The following MYH10 variants were observed in gnomAD, a reference collection of about 807,000 sequenced individuals.
The protein encoded by MYH10 is myosin-10.
MYH10 carries 55 observed loss-of-function variants against 257.8 expected under a neutral mutation model. The ratio of observed to expected loss-of-function variants is 0.21; its 90% CI spans 0.17 to 0.27. The LOEUF (loss-of-function observed/expected upper bound fraction) is 0.27. MYH10 is among the 10% of genes least tolerant of loss of function. The pLI, the probability that MYH10 is intolerant of heterozygous loss-of-function variation, is 1.00. For synonymous variants in MYH10, 854 were observed against 921.7 expected (o/e 0.93, Z 1.33); for missense variants, 1,631 against 2,500.6 (o/e 0.65, Z 7.42).
intron 19 of MYH10, 73 bp from the exon 20 acceptor site, chr17:8,519,023 G>A (rs2081566496): frequency 1.8e-6 from 2 of 1,141,512 alleles, no homozygotes; most frequent in Non-Finnish European, 2.5e-6. Flanking sequence ...TGTGTGTTTT[G>A]CTCTAAGAGG....
At position 8,509,878 on chromosome 17, in the gene MYH10, C is replaced by T; in HGVS notation, c.3024G>A (p.Glu1008=). The T allele has an allele frequency of 6.2e-7, 1 of 1,613,578 alleles. No homozygotes were observed. The highest frequency in any genetic ancestry group is 2.2e-5 in the East Asian group (1 of 44,830). The change falls in exon 25 of 43, where the codon GAG becomes GAA. Residue 1008 remains glutamate, a synonymous_variant. Transcript: ENST00000360416. ...CCTCTTCCATCTTCTTGATCTTGGCCTCTGCTGTCACCTTTTCCAGCTGCA... is the reference window on the plus strand; with the variant it reads ...CCTCTTCCATCTTCTTGATCTTGGCTTCTGCTGTCACCTTTTCCAGCTGCA... ...QKLQLEKVTA[E]AKIKKMEEEI... is the part of the protein sequence containing the mutation.
intron 16 of MYH10, among the ~76,000 whole-genome samples, chr17:8,531,121 ATTAATTTTAC>A (rs1164033159): frequency 6.6e-6 from 1 of 152,232 alleles, no homozygotes; most frequent in Non-Finnish European, 1.5e-5. Context: ...CTGCTGTGTA[ATTAATTTTAC>A]TTCTAATACA....
intron 19 of MYH10, among the ~76,000 whole-genome samples, chr17:8,520,270 C>T (rs8082298): frequency 6.6e-6 from 1 of 152,056 alleles, no homozygotes; most frequent in Non-Finnish European, 1.5e-5. Flanking sequence ...GAGGCCGAGG[C>T]GGGATCACGA....
In MYH10 at chr17:8,535,249, G is replaced by C; in HGVS notation, c.1894+138C>G. The stretch of plus-strand genomic sequence containing the variant: ...TAAAACGGATAAATTCCGATATAAC[G>C]GCAGCCCTGCTCTAGGGAAAGAAAG... On this transcript the variant is annotated intron_variant, in intron 16 of 42. Transcript: ENST00000360416. This position sits in a 1 kb window ranked among gnomAD's most constrained non-coding sequence, Gnocchi z 4.3. 1 of 579,728 alleles carries C rather than the reference G, an allele frequency of 1.7e-6. No individual in the cohort carries two copies. Among genetic ancestry groups the C allele is most frequent in the South Asian group, 3.2e-5 (1 of 31,564 alleles). 35.9% of individuals were successfully genotyped at this position (579,728 alleles called of 1,614,324 possible).
intron 32 of MYH10, among the ~76,000 whole-genome samples, chr17:8,493,440 G>T (rs1016153214): frequency 4.6e-5 from 7 of 151,974 alleles, no homozygotes; most frequent in Admixed American, 4.6e-4. Context: ...TCAATACTGT[G>T]ATTTTAAAAC....
chr17:8,505,290 C>T (rs1475530916), intron 27 of MYH10, among the ~76,000 whole-genome samples: 1 of 152,240 alleles, frequency 6.6e-6, no homozygotes, highest in African/African-American at 2.4e-5. Flanking sequence ...GTGACCTCCT[C>T]ATCACACCGG....
At chr17:8,494,171 C>T (rs1469287565) in intron 31 of MYH10, among the ~76,000 whole-genome samples, 4 of 152,120 alleles carry the variant, frequency 2.6e-5, no homozygotes, top group South Asian at 2.1e-4. Flanking sequence ...CTCCTGCGTC[C>T]CCCACCACAC....
chr17:8,487,436 G>C lies in MYH10; in HGVS notation c.5043C>G (p.Leu1681=). ...CTCCATGGGTGAAGGCACATACCTG[G>C]AGCTTGCGGAGCTGCTTAATCACCT... ...RDEVIKQLRK[L]QAQMKDYQRE... Residue 1681 remains leucine, a synonymous_variant, in exon 36 of 43, where the codon CTC becomes CTG. Transcript: ENST00000360416. The C allele has an allele frequency of 6.2e-7, 1 of 1,614,090 alleles. No homozygotes were observed.
At chr17:8,492,567 C>T (rs1915939821) in intron 33 of MYH10, 58 bp from the exon 34 acceptor site, 4 of 1,519,932 alleles carry the variant, frequency 2.6e-6, no homozygotes, top group Non-Finnish European at 3.6e-6. Flanking sequence ...CAACTTTTCT[C>T]TTCCACCATG....
chr17:8,505,580 A>T (rs1473524907), intron 27 of MYH10, among the ~76,000 whole-genome samples: 1 of 152,256 alleles, frequency 6.6e-6, no homozygotes, highest in Non-Finnish European at 1.5e-5. Context: ...ACATATATTT[A>T]TTACATCTGA....
intron 37 of MYH10, among the ~76,000 whole-genome samples, chr17:8,482,098 T>C (rs1442914358): frequency 6.6e-6 from 1 of 152,152 alleles, no homozygotes; most frequent in Non-Finnish European, 1.5e-5. Flanking sequence ...GGAAGGATGA[T>C]TTGCCATGGA....
At chr17:8,574,487 A>G (rs2083441569) in intron 6 of MYH10, among the ~76,000 whole-genome samples, 1 of 152,222 alleles carries the variant, frequency 6.6e-6, no homozygotes, top group Admixed American at 6.5e-5. Context: ...TAAAAACACT[A>G]AATTGTACAC....
At position 8,487,445 on chromosome 17, in the gene MYH10, G is replaced by A; in HGVS notation, c.5034C>T (p.Leu1678=). ...NKARDEVIKQ[L]RKLQAQMKDY... ...TGAAGGCACATACCTGGAGCTTGCG[G>A]AGCTGCTTAATCACCTCATCCCGAG... Residue 1678 remains leucine (L), a synonymous_variant, in exon 36 of 43, where the codon CTC becomes CTT. Coordinates refer to ENST00000360416, the MANE Select transcript of MYH10 (RefSeq NM_001256012.3). 1.2e-6 allele frequency: 2 copies of A among 1,614,166 alleles called. No individual in the cohort carries two copies. The highest frequency in any genetic ancestry group is 1.7e-6 in the Non-Finnish European group (2 of 1,180,050).
chr17:8,606,605 GA>G (rs1395796633), intron 2 of MYH10, among the ~76,000 whole-genome samples: 1 of 152,328 alleles, frequency 6.6e-6, no homozygotes, highest in African/African-American at 2.4e-5. Context: ...GCTAAACCAA[GA>G]GAATGAAAGC....
rs1221681626 is a variant in MYH10 at position 8,487,471 on chromosome 17, C to T, written c.5008G>A (p.Ala1670Thr). 5 of 1,614,240 alleles carry T rather than the reference C, an allele frequency of 3.1e-6. No homozygotes were observed. Among genetic ancestry groups the T allele is most frequent in the Non-Finnish European group, 3.4e-6 (4 of 1,180,058 alleles). The change falls in exon 36 of 43, where the codon GCT (alanine) becomes ACT (threonine). Residue 1670 changes from alanine (A) to threonine (T), a missense_variant. Around this residue, in one of 11 missense-constraint regions of MYH10, gnomAD observed 463 missense variants for 621.8 expected, o/e 0.74. Coordinates refer to ENST00000360416, the MANE Select transcript of MYH10 (RefSeq NM_001256012.3). ...LEAQIEAANKARDEVIKQLRK... is the reference protein window; with the variant it reads ...LEAQIEAANKTRDEVIKQLRK... ...AGCTGCTTAATCACCTCATCCCGAGCTTTGTTCGCAGCCTCGATTTGGGCT... is the reference window on the plus strand; with the variant it reads ...AGCTGCTTAATCACCTCATCCCGAGTTTTGTTCGCAGCCTCGATTTGGGCT...
intron 2 of MYH10, among the ~76,000 whole-genome samples, chr17:8,618,251 CTTTTTTT>C (rs149959575): frequency 1.4e-5 from 2 of 142,468 alleles, no homozygotes; most frequent in South Asian, 2.2e-4. Context: ...TTCCTTTTTT[CTTTTTTT>C]TTTTTTTGAG....
intron 2 of MYH10, among the ~76,000 whole-genome samples, chr17:8,606,822 G>A (rs955770276): frequency 4.6e-5 from 7 of 152,170 alleles, no homozygotes; most frequent in African/African-American, 9.7e-5. Flanking sequence ...TTATCTGTTC[G>A]TTCTTTGCCT....
rs1912415316 is a variant in MYH10 at position 8,475,568 on chromosome 17, G to A, written c.*236C>T. 1 of 466,642 alleles carries A rather than the reference G, an allele frequency of 2.1e-6. No homozygotes were observed. The highest frequency in any genetic ancestry group is 2.0e-5 in the African/African-American group (1 of 50,988). The allele number at this position is 466,642 out of a possible 1,614,324, so 28.9% of individuals were successfully genotyped here. On this transcript the variant is annotated 3_prime_UTR_variant, in exon 43 of 43. Coordinates refer to ENST00000360416, the MANE Select transcript of MYH10 (RefSeq NM_001256012.3). ...CTTGATGACTATATGGAAAATAGAT[G>A]CAATGATGAAACAATCTGTTTAATA...
At chr17:8,622,794 A>C in intron 2 of MYH10, 108 bp downstream of exon 2, 2 of 1,270,496 alleles carry the variant, frequency 1.6e-6, no homozygotes, top group South Asian at 2.8e-5. Context: ...TAGAAATGTT[A>C]AACAGAGAGT....
Sources: allele counts gnomAD v4.1 joint callset (sites outside exome capture counted in the v4.1 genomes callset), GRCh38; gene constraint gnomAD v4.1.1; regional missense constraint gnomAD v4.1.1; non-coding constraint Gnocchi (gnomAD v3.1); transcripts MANE v1.5; gene names NCBI Gene and HGNC (gene_info 2026-07-23, HGNC 2026-07-21).